The following TBX15 variants were observed in gnomAD, a reference collection of about 807,000 sequenced individuals.
TBX15 encodes T-box transcription factor TBX15.
Under a neutral mutation model 53.9 loss-of-function variants are expected in TBX15, and 18 were observed. That is an observed-to-expected ratio of 0.33 (90% CI 0.23 to 0.49). The LOEUF (loss-of-function observed/expected upper bound fraction) is 0.49, where lower values mean the gene tolerates loss of function less well. TBX15 is among the 20% of genes least tolerant of loss of function. TBX15 has a pLI of 0.98. For synonymous variants in TBX15, 295 were observed against 278.0 expected (o/e 1.06, Z -0.61); for missense variants, 692 against 749.5 (o/e 0.92, Z 0.90).
intron 5 of TBX15, among the ~76,000 whole-genome samples, chr1:118,920,551 C>T (rs150709615): frequency 2.0e-5 from 3 of 152,244 alleles, no homozygotes; most frequent in South Asian, 2.1e-4. Flanking sequence ...GGTCATTAGC[C>T]ACAGAGGACA....
chr1:118,958,881 C>G (rs1440320310), intron 1 of TBX15, among the ~76,000 whole-genome samples: 1 of 152,082 alleles, frequency 6.6e-6, no homozygotes, highest in African/African-American at 2.4e-5. Context: ...AAAACAGAGG[C>G]TGGAATAGTA....
intron 1 of TBX15, among the ~76,000 whole-genome samples, chr1:118,987,248 C>T (rs1014050579): frequency 3.3e-5 from 5 of 152,242 alleles, no homozygotes; most frequent in Non-Finnish European, 5.9e-5. Flanking sequence ...ATCTCGGCTC[C>T]CGCCGTTGCC....
chr1:118,965,654 T>C (rs1657014253), intron 1 of TBX15, among the ~76,000 whole-genome samples: 1 of 152,162 alleles, frequency 6.6e-6, no homozygotes, highest in Non-Finnish European at 1.5e-5. Context: ...AGGAAATGAC[T>C]GGAAACAACC....
At chr1:118,984,142 C>T (rs1295345107) in intron 1 of TBX15, among the ~76,000 whole-genome samples, 1 of 152,242 alleles carries the variant, frequency 6.6e-6, no homozygotes, top group African/African-American at 2.4e-5. Context: ...TATCTCATTT[C>T]ACTAGCAGTT....
chr1:118,947,073 T>C lies in TBX15; in HGVS notation c.206-15241A>G, dbSNP rs558821609. 4.6e-5 allele frequency among the ~76,000 whole-genome samples: 7 copies of C among 152,242 alleles called. No homozygotes were observed. In the East Asian group the frequency reaches 9.7e-4, roughly 21 times the overall value. On this transcript the variant is annotated intron_variant, in intron 1 of 7. Transcript: ENST00000369429. ...AGTGGTCCCTGTATCTCAGAAGAAA[T>C]CCCTCCACCTCATGTCCTCTAAGGC...
chr1:118,941,763 T>C (rs1201809241), intron 1 of TBX15, among the ~76,000 whole-genome samples: 1 of 152,070 alleles, frequency 6.6e-6, no homozygotes, highest in African/African-American at 2.4e-5. Context: ...CATAAATAAG[T>C]CTAATAAAAG....
At chr1:118,973,277 C>T (rs1557905665) in intron 1 of TBX15, among the ~76,000 whole-genome samples, 1 of 152,178 alleles carries the variant, frequency 6.6e-6, no homozygotes, top group African/African-American at 2.4e-5. Flanking sequence ...TTCAGTGCTA[C>T]TTCTTTGGCC....
chr1:118,973,646 T>C (rs1209801645), intron 1 of TBX15, among the ~76,000 whole-genome samples: 1 of 151,948 alleles, frequency 6.6e-6, no homozygotes, highest in Non-Finnish European at 1.5e-5. Context: ...AAAAGAAGAA[T>C]GTAGTCAAGC....
intron 7 of TBX15, among the ~76,000 whole-genome samples, chr1:118,887,686 AAGC>A (rs1394041773): frequency 6.6e-6 from 1 of 151,988 alleles, no homozygotes; most frequent in Non-Finnish European, 1.5e-5. Context: ...AAAAAAAAAA[AAGC>A]AGGATTCCAG....
At chr1:118,960,940 C>T (rs904163174) in intron 1 of TBX15, among the ~76,000 whole-genome samples, 1 of 152,166 alleles carries the variant, frequency 6.6e-6, no homozygotes, top group Non-Finnish European at 1.5e-5. Context: ...TTGCTGCTGT[C>T]ATCGACACTG....
rs559423885 is a variant in TBX15 at position 118,884,618 on chromosome 1, A to C, written c.*114T>G. The C allele has an allele frequency of 6.1e-4, 815 of 1,343,498 alleles. 2 individuals are homozygous for C. In the South Asian group the frequency reaches 9.3e-3, roughly 15 times the overall value. 83.2% of individuals were successfully genotyped at this position (1,343,498 alleles called of 1,614,324 possible). ...TGTCTTCGGCCAGAAAAAAAAAAAAAAAAAAAACACGGTTCCTGTTTTTCA... is the reference window on the plus strand; with the variant it reads ...TGTCTTCGGCCAGAAAAAAAAAAAACAAAAAAACACGGTTCCTGTTTTTCA... On this transcript the variant is annotated 3_prime_UTR_variant, in exon 8 of 8. Transcript: ENST00000369429.
intron 6 of TBX15, among the ~76,000 whole-genome samples, chr1:118,912,400 C>T (rs1433263054): frequency 6.6e-6 from 1 of 152,008 alleles, no homozygotes; most frequent in Non-Finnish European, 1.5e-5. Context: ...ATTTTACCTA[C>T]AATATCTGGA....
chr1:118,885,036 T>C lies in TBX15; in HGVS notation c.1505A>G (p.Gln502Arg). The C allele has an allele frequency of 1.2e-6, 2 of 1,614,152 alleles. No homozygotes were observed. The highest frequency in any genetic ancestry group is 1.7e-6 in the Non-Finnish European group (2 of 1,180,024). The part of the protein sequence containing the change: ...SPHMFGGSHM[Q>R]QSSYNAFSLH... Reference sequence around the variant, plus strand: ...GGAGAAGGCATTGTAGGAGCTCTGCTGCATGTGGCTGCCCCCGAACATGTG... The same window carrying C: ...GGAGAAGGCATTGTAGGAGCTCTGCCGCATGTGGCTGCCCCCGAACATGTG... Residue 502 changes from glutamine (Q) to arginine (R), a missense_variant, in exon 8 of 8, where the codon CAG becomes CGG. Physicochemically the swap from Gln to Arg is conservative, Grantham distance 43 (BLOSUM62 1). Coordinates refer to ENST00000369429, the MANE Select transcript of TBX15 (RefSeq NM_001330677.2).
intron 1 of TBX15, among the ~76,000 whole-genome samples, chr1:118,944,738 G>C (rs1020213071): frequency 6.6e-6 from 1 of 152,196 alleles, no homozygotes; most frequent in South Asian, 2.1e-4. Context: ...TTTAAGCACT[G>C]TCAGAGTTCC....
chr1:118,946,497 T>TGG (rs1261078874), intron 1 of TBX15, among the ~76,000 whole-genome samples: 2 of 152,224 alleles, frequency 1.3e-5, no homozygotes, highest in Admixed American at 6.5e-5. Context: ...TCAAGTGTAA[T>TGG]AAACATCCAT....
At chr1:118,890,839 A>G in intron 7 of TBX15, 1 of 1,276,122 alleles carries the variant, frequency 7.8e-7, no homozygotes, top group Non-Finnish European at 1.0e-6. Context: ...CATCTAGGCT[A>G]GTAAAGAATA....
At chr1:118,959,857 G>T (rs530700430) in intron 1 of TBX15, among the ~76,000 whole-genome samples, 1 of 152,218 alleles carries the variant, frequency 6.6e-6, no homozygotes, top group African/African-American at 2.4e-5. Context: ...TCTCCTCCTT[G>T]TACAGACACC....
At chr1:118,902,763 C>T (rs190468249) in intron 6 of TBX15, among the ~76,000 whole-genome samples, 89 of 152,204 alleles carry the variant, frequency 5.8e-4, no homozygotes, top group African/African-American at 2.1e-3. Flanking sequence ...ATTTCACCTC[C>T]CATCTTTTCT....
intron 7 of TBX15, chr1:118,890,735 TATA>T: frequency 2.4e-6 from 1 of 411,518 alleles, no homozygotes; most frequent in Non-Finnish European, 4.3e-6. Flanking sequence ...CAGATTGTAA[TATA>T]AGGGCTTTCA....
Sources: gnomAD v4.1 joint callset for allele counts (sites outside exome capture counted in the v4.1 genomes callset) on GRCh38, gnomAD v4.1.1 for gene constraint, MANE v1.5 for transcripts, NCBI Gene and HGNC (gene_info 2026-07-23, HGNC 2026-07-21) for gene names.